KCTD18: variants seen among roughly 807,000 people sequenced by gnomAD.
KCTD18 encodes BTB/POZ domain-containing protein KCTD18.
Under a neutral mutation model 30.4 loss-of-function variants are expected in KCTD18, and 22 were observed. That is an observed-to-expected ratio of 0.72 (90% CI 0.52 to 1.03). KCTD18 has a LOEUF of 1.03. KCTD18 is among the 50% of genes least tolerant of loss of function. The probability of loss-of-function intolerance (pLI) is 0.00; values close to 1 mark genes in which losing one functional copy is unlikely to be tolerated. For missense variants in KCTD18, 529 were observed against 547.6 expected, an observed-to-expected ratio of 0.97 and a Z score of 0.34; for synonymous variants, 186 against 209.0, an observed-to-expected ratio of 0.89 and a Z score of 0.95.
chr2:200,510,017 C>CCCGCCAGACCCTCGGCGCGG lies in KCTD18; in HGVS notation c.-485_-466dup, dbSNP rs1217125415. 1.7e-4 allele frequency: 26 copies of CCCGCCAGACCCTCGGCGCGG among 152,076 alleles called. No individual in the cohort carries two copies. The highest frequency in any genetic ancestry group is 2.8e-4 in the Non-Finnish European group (19 of 67,984). The allele number at this position is 152,076 out of a possible 1,614,324, so 9.4% of individuals were successfully genotyped here. ...GGCAGCTTCCCAGACTGACCTGCGG[C>CCCGCCAGACCCTCGGCGCGG]CCGCCAGACCCTCGGCGCGGCCGCC... On this transcript the variant is annotated 5_prime_UTR_variant, in exon 1 of 7. Coordinates refer to ENST00000359878, the MANE Select transcript of KCTD18 (RefSeq NM_152387.4).
chr2:200,494,651 C>T (rs181987046), intron 5 of KCTD18, among the ~76,000 whole-genome samples: 2 of 152,266 alleles, frequency 1.3e-5, no homozygotes, highest in African/African-American at 4.8e-5. Flanking sequence ...AAAAACATTC[C>T]CAAATCCGGT....
intron 2 of KCTD18, 143 bp downstream of exon 2, chr2:200,506,714 T>C: frequency 1.5e-6 from 1 of 650,738 alleles, no homozygotes; most frequent in Non-Finnish European, 2.5e-6. Flanking sequence ...CTCCACGTAC[T>C]TAATGAATCT....
At chr2:200,508,386 G>T (rs1022592327) in intron 1 of KCTD18, among the ~76,000 whole-genome samples, 1 of 152,152 alleles carries the variant, frequency 6.6e-6, no homozygotes, top group Non-Finnish European at 1.5e-5. Flanking sequence ...CACTGCACCA[G>T]GCCCAGGGAA....
At chr2:200,497,719 C>T (rs1574801291) in intron 5 of KCTD18, 34 bp downstream of exon 5, 1 of 1,400,916 alleles carries the variant, frequency 7.1e-7, no homozygotes, top group African/African-American at 1.4e-5. Flanking sequence ...TTAAAGTCCA[C>T]CTGCTTCCAT....
chr2:200,501,760 C>T lies in KCTD18; in HGVS notation c.373-2676G>A, dbSNP rs2088088652. Among the ~76,000 whole-genome samples, 5 of 151,658 alleles carry T rather than the reference C, an allele frequency of 3.3e-5. No individual in the cohort carries two copies. In the South Asian group the frequency reaches 1.0e-3, roughly 32 times the overall value. The stretch of plus-strand genomic sequence containing the variant: ...CTCAGGGATCTAGTATTAGAAATAC[C>T]ATTTGACCCAGCCATCCCATTACTG... On this transcript the variant is annotated intron_variant, in intron 3 of 6. Transcript: ENST00000359878.
At chr2:200,502,961 T>C (rs529288420) in intron 3 of KCTD18, among the ~76,000 whole-genome samples, 125 of 144,616 alleles carry the variant, frequency 8.6e-4, no homozygotes, top group Middle Eastern at 3.8e-3. Context: ...ACCCGGGAGG[T>C]AGAGGTTGCG....
chr2:200,498,928 G>C lies in KCTD18; in HGVS notation c.529C>G (p.Leu177Val). ...CCTTTGCTGTGAATTCTTCCTCCCA[G>C]CTGCTTTTCAATAGCGTCTGTTCCA... ...TDGTDAIEKQ[L>V]GGRIHSKGIF... is the part of the protein sequence containing the mutation. The change falls in exon 4 of 7, where the codon CTG becomes GTG. Residue 177 changes from leucine to valine, a missense_variant. By Grantham distance (32) the Leu-to-Val change is conservative. Coordinates refer to ENST00000359878, the MANE Select transcript of KCTD18 (RefSeq NM_152387.4). The C allele has an allele frequency of 1.2e-6, 2 of 1,613,902 alleles. No individual in the cohort carries two copies. The highest frequency in any genetic ancestry group is 1.7e-6 in the Non-Finnish European group (2 of 1,179,942).
At chr2:200,490,740 T>A in intron 6 of KCTD18, 124 bp from the exon 7 acceptor site, 1 of 1,005,954 alleles carries the variant, frequency 9.9e-7, no homozygotes, top group Non-Finnish European at 1.4e-6. Context: ...GTCAAGAGGT[T>A]TATGGGCACC....
chr2:200,508,533 T>C (rs1211644165), intron 1 of KCTD18, among the ~76,000 whole-genome samples: 1 of 152,220 alleles, frequency 6.6e-6, no homozygotes, highest in East Asian at 1.9e-4. Context: ...TATCCACACA[T>C]TTCATAGCAA....
At chr2:200,504,402 T>A (rs2030042550) in intron 3 of KCTD18, among the ~76,000 whole-genome samples, 1 of 138,916 alleles carries the variant, frequency 7.2e-6, no homozygotes, top group Admixed American at 8.2e-5. Flanking sequence ...GAGCTTGCAG[T>A]GAGCCAAAAT....
At chr2:200,497,531 A>G in intron 5 of KCTD18, 1 of 464,020 alleles carries the variant, frequency 2.2e-6, no homozygotes. Context: ...TAGCTAACAG[A>G]AACATACCTA....
intron 6 of KCTD18, among the ~76,000 whole-genome samples, chr2:200,492,216 G>A (rs2087930405): frequency 6.6e-6 from 1 of 152,008 alleles, no homozygotes; most frequent in African/African-American, 2.4e-5. Context: ...TTTGTTCTGG[G>A]GGGCTGCCCT....
chr2:200,489,474 T>G lies in KCTD18; in HGVS notation c.*626A>C, dbSNP rs976858538. 2.0e-5 allele frequency: 3 copies of G among 152,206 alleles called. No individual in the cohort carries two copies. The highest frequency in any genetic ancestry group is 2.9e-5 in the Non-Finnish European group (2 of 68,030). 9.4% of individuals were successfully genotyped at this position (152,206 alleles called of 1,614,324 possible). A position where few individuals can be genotyped will look rare whatever the true frequency, so the allele number is the denominator to read the frequency against. On this transcript the variant is annotated 3_prime_UTR_variant, in exon 7 of 7. Transcript: ENST00000359878. The stretch of plus-strand genomic sequence containing the variant: ...TCTTCTTGTGGTGTTTATAAATAAA[T>G]CTACTAACAGAAAAGAGTAAGAAAA...
At chr2:200,492,587 G>A (rs990755605) in intron 6 of KCTD18, among the ~76,000 whole-genome samples, 15 of 152,088 alleles carry the variant, frequency 9.9e-5, no homozygotes, top group Non-Finnish European at 1.8e-4. Context: ...TTAAATTGTA[G>A]AACATGTGAT....
At position 200,509,975 on chromosome 2, in the gene KCTD18, G is replaced by A. The variant is rs950772987; in HGVS notation, c.-423C>T. On this transcript the variant is annotated 5_prime_UTR_variant, in exon 1 of 7. Coordinates refer to ENST00000359878, the MANE Select transcript of KCTD18 (RefSeq NM_152387.4). The stretch of plus-strand genomic sequence containing the variant: ...TCCCGCGCCCGGCTCTTCCGCACCG[G>A]GGGGGTGGGGCGGGTCGGCAGCTTC... 1 of 151,978 alleles carries A rather than the reference G, an allele frequency of 6.6e-6. No homozygotes were observed. Among genetic ancestry groups the A allele is most frequent in the Non-Finnish European group, 1.5e-5 (1 of 67,972 alleles). The allele number at this position is 151,978 out of a possible 1,614,324, so 9.4% of individuals were successfully genotyped here.
chr2:200,498,041 A>T (rs2088023364), intron 4 of KCTD18, among the ~76,000 whole-genome samples, 194 bp from the exon 5 acceptor site: 5 of 150,778 alleles, frequency 3.3e-5, no homozygotes, highest in Non-Finnish European at 7.4e-5. Flanking sequence ...ATAATATACT[A>T]ACCTATATTT....
In KCTD18 at chr2:200,499,097, G is replaced by T. The variant is rs1240220705; in HGVS notation, c.373-13C>A. The T allele has an allele frequency of 1.3e-6, 2 of 1,555,652 alleles. No individual in the cohort carries two copies. Among genetic ancestry groups the T allele is most frequent in the African/African-American group, 1.4e-5 (1 of 72,078 alleles). On this transcript the variant is annotated splice_polypyrimidine_tract_variant and intron_variant, in intron 3 of 6. Coordinates refer to ENST00000359878, the MANE Select transcript of KCTD18 (RefSeq NM_152387.4). ...AGTCTGTTAAAGCCTAAAGCAAAAA[G>T]TATATATAAAATTTGAATTTAATTC...
At chr2:200,503,729 T>C (rs1175680264) in intron 3 of KCTD18, among the ~76,000 whole-genome samples, 2 of 152,220 alleles carry the variant, frequency 1.3e-5, no homozygotes, top group Non-Finnish European at 2.9e-5. Flanking sequence ...CAACTTTCTA[T>C]TCATGCTGCA....
intron 4 of KCTD18, among the ~76,000 whole-genome samples, chr2:200,498,393 ATATT>A (rs1325810760): frequency 6.6e-6 from 1 of 152,190 alleles, no homozygotes; most frequent in African/African-American, 2.4e-5. Flanking sequence ...TATAGGAAAA[ATATT>A]AAGTAATAAC....
Sources: allele counts gnomAD v4.1 joint callset (sites outside exome capture counted in the v4.1 genomes callset), GRCh38; gene constraint gnomAD v4.1.1; transcripts MANE v1.5; gene names NCBI Gene and HGNC (gene_info 2026-07-23, HGNC 2026-07-21).